DENND2A: variants seen among roughly 807,000 people sequenced by gnomAD.
The protein encoded by DENND2A is DENN domain-containing protein 2A.
DENND2A carries 53 observed loss-of-function variants against 105.3 expected under a neutral mutation model. The observed-to-expected ratio is 0.50, with a 90% confidence interval of 0.40 to 0.63. The LOEUF (loss-of-function observed/expected upper bound fraction) is 0.63. Among genes scored for constraint, DENND2A ranks in the 30% least tolerant of loss-of-function variants. DENND2A has a pLI of 0.00. For missense variants in DENND2A, 1,138 were observed against 1,279.6 expected, an observed-to-expected ratio of 0.89 and a Z score of 1.69; for synonymous variants, 522 against 508.4, an observed-to-expected ratio of 1.03 and a Z score of -0.36.
At chr7:140,552,294 C>A (rs1422923271) in intron 12 of DENND2A, among the ~76,000 whole-genome samples, 1 of 152,088 alleles carries the variant, frequency 6.6e-6, no homozygotes, top group Non-Finnish European at 1.5e-5. Flanking sequence ...TTCTTTCTTT[C>A]TTTTTCTCTC....
rs538552644 is a variant in DENND2A at position 140,562,388 on chromosome 7, G to T, written c.1780-2571C>A. On this transcript the variant is annotated intron_variant, in intron 9 of 19. Coordinates refer to ENST00000496613, the MANE Select transcript of DENND2A (RefSeq NM_015689.5). The stretch of plus-strand genomic sequence containing the variant: ...TTAAAAACCACTTCCTGGCTGGGGC[G>T]TGGTGGCTCACGCCTGTAATCCCAG... 2.5e-4 allele frequency among the ~76,000 whole-genome samples: 38 copies of T among 152,068 alleles called. 1 individual carries two copies. Among genetic ancestry groups the T allele is most frequent in the African/African-American group, 8.2e-4 (34 of 41,506 alleles).
intron 1 of DENND2A, among the ~76,000 whole-genome samples, chr7:140,608,235 T>G (rs925954693): frequency 1.3e-5 from 2 of 152,188 alleles, no homozygotes; most frequent in Non-Finnish European, 2.9e-5. Flanking sequence ...GAGAAGCAAG[T>G]GCAGGGGGCT....
Position 140,624,693 on chromosome 7 carries a change from G to C in DENND2A, c.-248+15811C>G, listed in dbSNP as rs530065075. Among the ~76,000 whole-genome samples, 5 of 151,956 alleles carry C rather than the reference G, an allele frequency of 3.3e-5. No homozygotes were observed. In the South Asian group the frequency reaches 6.2e-4, roughly 19 times the overall value. The stretch of plus-strand genomic sequence containing the variant: ...AGTTACACGTTCCATGTTCTTGAAG[G>C]CATTTCTTTTCCTTTTTTTTTTCTT... On this transcript the variant is annotated intron_variant, in intron 1 of 19. Coordinates refer to ENST00000496613, the MANE Select transcript of DENND2A (RefSeq NM_015689.5).
At chr7:140,603,341 G>A (rs1433594437) in intron 2 of DENND2A, among the ~76,000 whole-genome samples, 2 of 152,144 alleles carry the variant, frequency 1.3e-5, no homozygotes, top group Non-Finnish European at 2.9e-5. Flanking sequence ...AGATTACATA[G>A]GCTGCTTTTC....
chr7:140,585,679 G>A lies in DENND2A; in HGVS notation c.1155C>T (p.Asp385=), dbSNP rs375091774. The part of the protein sequence containing the change: ...DPPMKENPYE[D]IELHGRCLGK... ...CCAGGCAGCGACCATGTAACTCGAT[G>A]TCCTCATAAGGGTTCTCCTTCATTG... Residue 385 remains aspartate (D), a synonymous_variant, in exon 5 of 20, where the codon GAC becomes GAT. Transcript: ENST00000496613. 6.2e-7 allele frequency: 1 copy of A among 1,614,096 alleles called. No individual in the cohort carries two copies. Among genetic ancestry groups the A allele is most frequent in the Non-Finnish European group, 8.5e-7 (1 of 1,180,038 alleles).
In DENND2A at chr7:140,601,415, C is replaced by T; in HGVS notation, c.983G>A (p.Ser328Asn). The T allele has an allele frequency of 2.5e-6, 4 of 1,599,124 alleles. No homozygotes were observed. Among genetic ancestry groups the T allele is most frequent in the South Asian group, 1.1e-5 (1 of 87,694 alleles). Residue 328 changes from serine to asparagine, a missense_variant, in exon 3 of 20, where the codon AGT becomes AAT. Ser to Asn is a conservative substitution (Grantham distance 46). This residue lies in a region of DENND2A where 511 missense variants were observed against 499.9 expected (regional missense o/e 1.02). Transcript: ENST00000496613. ...RRLWTGRQKS[S>N]ADHRKSYEFE... is the part of the protein sequence containing the mutation. The stretch of plus-strand genomic sequence containing the variant: ...CACCGGCACCTACCTGTGGTCTGCA[C>T]TGGATTTCTGTCTCCCGGTCCACAG...
intron 9 of DENND2A, among the ~76,000 whole-genome samples, chr7:140,562,542 G>T (rs894006262): frequency 1.3e-5 from 2 of 152,002 alleles, no homozygotes; most frequent in Non-Finnish European, 2.9e-5. Flanking sequence ...GGTGCCTGTA[G>T]TCCCAGCTAC....
chr7:140,550,161 G>A (rs542408887), intron 12 of DENND2A, among the ~76,000 whole-genome samples: 2 of 145,258 alleles, frequency 1.4e-5, no homozygotes, highest in East Asian at 4.1e-4. Context: ...TTAGGGGAGG[G>A]GGAATGGGAA....
intron 12 of DENND2A, among the ~76,000 whole-genome samples, chr7:140,547,676 T>C (rs75172007): frequency 0.019 from 2,928 of 152,248 alleles, 87 homozygotes; most frequent in African/African-American, 0.067. Context: ...CACATAAAAA[T>C]TTGTACATGA....
At chr7:140,542,406 G>T (rs907696492) in intron 14 of DENND2A, among the ~76,000 whole-genome samples, 6 of 152,082 alleles carry the variant, frequency 3.9e-5, no homozygotes, top group African/African-American at 1.4e-4. Context: ...CTTTAACGGT[G>T]AGGAGGGATG....
chr7:140,551,301 A>T (rs1797128035), intron 12 of DENND2A, among the ~76,000 whole-genome samples: 1 of 56,448 alleles, frequency 1.8e-5, no homozygotes, highest in African/African-American at 1.2e-4. Flanking sequence ...CTCCATCTCA[A>T]AAAAAAAAAA....
chr7:140,625,333 C>A (rs568897428), intron 1 of DENND2A, among the ~76,000 whole-genome samples: 1 of 150,346 alleles, frequency 6.7e-6, no homozygotes, highest in Non-Finnish European at 1.5e-5. Context: ...GCCGAGATCG[C>A]GCCACTGCAT....
chr7:140,576,027 G>GATATATATATATATAT (rs202205552), intron 5 of DENND2A, among the ~76,000 whole-genome samples: 11 of 147,624 alleles, frequency 7.5e-5, no homozygotes, highest in African/African-American at 2.7e-4. Context: ...GGTTCTTTCA[G>GATATATATATATATAT]ATATATATAT....
intron 9 of DENND2A, among the ~76,000 whole-genome samples, chr7:140,560,573 C>G (rs1355108798): frequency 6.6e-6 from 1 of 151,678 alleles, no homozygotes; most frequent in East Asian, 1.9e-4. Context: ...AGGAGGATCA[C>G]TTGAGGCCAG....
At chr7:140,525,559 C>T (rs1220666104) in intron 16 of DENND2A, among the ~76,000 whole-genome samples, 192 bp downstream of exon 16, 1 of 152,180 alleles carries the variant, frequency 6.6e-6, no homozygotes, top group African/African-American at 2.4e-5. Context: ...AGAAAGCAAT[C>T]CTTTGCCCAA....
At chr7:140,570,120 C>G (rs1347092712) in intron 6 of DENND2A, among the ~76,000 whole-genome samples, 1 of 152,154 alleles carries the variant, frequency 6.6e-6, no homozygotes, top group African/African-American at 2.4e-5. Context: ...GTCTCGAACT[C>G]CTGACCTCAG....
At chr7:140,555,742 T>A in intron 11 of DENND2A, 29 bp from the exon 12 acceptor site, 1 of 1,576,358 alleles carries the variant, frequency 6.3e-7, no homozygotes, top group South Asian at 1.2e-5. Flanking sequence ...AAGGGAATTA[T>A]GAGTGTTGAC....
chr7:140,595,309 G>A (rs1027636828), intron 3 of DENND2A, among the ~76,000 whole-genome samples: 4 of 151,838 alleles, frequency 2.6e-5, no homozygotes, highest in Non-Finnish European at 4.4e-5. Context: ...GCCTGGCCCC[G>A]TGAATGAATA....
chr7:140,527,459 C>A lies in DENND2A; in HGVS notation c.2364G>T (p.Leu788=). The A allele has an allele frequency of 6.2e-7, 1 of 1,605,978 alleles. No individual in the cohort carries two copies. Among genetic ancestry groups the A allele is most frequent in the South Asian group, 1.1e-5 (1 of 89,686 alleles). ...LSKCCHAMVA[L]IYPFAWQHTY... ...TGTGCTGCCAGGCGAAGGGGTAGAT[C>A]AGCGCCACCATCGCGTGGCAGCACT... Residue 788 remains leucine (L), a synonymous_variant, in exon 15 of 20, where the codon CTG becomes CTT. Coordinates refer to ENST00000496613, the MANE Select transcript of DENND2A (RefSeq NM_015689.5). This position sits in a 1 kb window ranked among gnomAD's most constrained non-coding sequence, Gnocchi z 4.9.
Sources: gnomAD v4.1 joint callset for allele counts (sites outside exome capture counted in the v4.1 genomes callset) on GRCh38, gnomAD v4.1.1 for gene constraint, gnomAD v4.1.1 regional missense constraint, Gnocchi (gnomAD v3.1) non-coding constraint, MANE v1.5 for transcripts, NCBI Gene and HGNC (gene_info 2026-07-23, HGNC 2026-07-21) for gene names.